MYSM1: variants seen among roughly 807,000 people sequenced by gnomAD.
The protein encoded by MYSM1 is Myb like, SWIRM and MPN domains 1.
MYSM1 carries 51 observed loss-of-function variants against 116.0 expected under a neutral mutation model. That is an observed-to-expected ratio of 0.44 (90% CI 0.35 to 0.56). The LOEUF (loss-of-function observed/expected upper bound fraction) is 0.56, where lower values mean the gene tolerates loss of function less well. Among genes scored for constraint, MYSM1 ranks in the 20% least tolerant of loss-of-function variants. The pLI, the probability that MYSM1 is intolerant of heterozygous loss-of-function variation, is 0.00. For missense variants in MYSM1, 900 were observed against 974.9 expected, an observed-to-expected ratio of 0.92 and a Z score of 1.02; for synonymous variants, 313 against 315.2, an observed-to-expected ratio of 0.99 and a Z score of 0.07.
chr1:58,695,314 T>G, intron 1 of MYSM1, 107 bp from the exon 2 acceptor site: 2 of 229,648 alleles, frequency 8.7e-6, no homozygotes, highest in Non-Finnish European at 1.6e-5. Flanking sequence ...AAGCAAATAC[T>G]TAGTTCCCTT....
rs552728270 is a variant in MYSM1, at chr1:58,695,063, A to AG, written c.147+65_147+66insC. 5,723 of 850,544 alleles carry AG rather than the reference A, an allele frequency of 6.7e-3. 112 individuals are homozygous for AG. In the African/African-American group the frequency reaches 0.07, roughly 10 times the overall value. 52.7% of individuals were successfully genotyped at this position (850,544 alleles called of 1,614,324 possible). A position where few individuals can be genotyped will look rare whatever the true frequency, so the allele number is the denominator to read the frequency against. ...ACTAGCACTAAGTTTAAAAAAAAAAAAAGAAGAAGCACTCTAGGCAATAAA... is the reference window on the plus strand; with the variant it reads ...ACTAGCACTAAGTTTAAAAAAAAAAAGAAGAAGAAGCACTCTAGGCAATAAA... On this transcript the variant is annotated intron_variant, in intron 2 of 19. Coordinates refer to ENST00000472487, the MANE Select transcript of MYSM1 (RefSeq NM_001085487.3).
intron 9 of MYSM1, among the ~76,000 whole-genome samples, chr1:58,676,340 C>T (rs1644651621): frequency 6.6e-6 from 1 of 150,482 alleles, no homozygotes; most frequent in African/African-American, 2.5e-5. Context: ...CGCTTGAACC[C>T]GGGAGGCGGA....
In MYSM1 at chr1:58,700,057, G is replaced by T. The variant is rs571503326; in HGVS notation, c.-5C>A. 1 of 1,613,566 alleles carries T rather than the reference G, an allele frequency of 6.2e-7. No homozygotes were observed. Among genetic ancestry groups the T allele is most frequent in the Non-Finnish European group, 8.5e-7 (1 of 1,179,958 alleles). ...ATCCGCCTCTTCAGCCGCCATGATG[G>T]GACCTGACCCCGTCCGTCCTCCCGA... On this transcript the variant is annotated 5_prime_UTR_variant, in exon 1 of 20. Coordinates refer to ENST00000472487, the MANE Select transcript of MYSM1 (RefSeq NM_001085487.3).
intron 10 of MYSM1, among the ~76,000 whole-genome samples, chr1:58,675,170 T>C (rs1464088237): frequency 6.6e-6 from 1 of 152,070 alleles, no homozygotes; most frequent in African/African-American, 2.4e-5. Context: ...CTGAACTATA[T>C]ATTTTTAAAA....
chr1:58,665,722 G>T lies in MYSM1; in HGVS notation c.2032-91C>A, dbSNP rs143360687. On this transcript the variant is annotated intron_variant, in intron 16 of 19. Transcript: ENST00000472487. ...ACTAACATTTTAAACATCTAATGGG[G>T]AAAAGCAGGAACAAAAAGGTGCATT... The T allele has an allele frequency of 2.2e-4, 194 of 875,116 alleles. No homozygotes were observed. The African/African-American group carries it at 2.9e-3, about 13-fold the overall frequency. The allele number at this position is 875,116 out of a possible 1,614,324, so 54.2% of individuals were successfully genotyped here. A position where few individuals can be genotyped will look rare whatever the true frequency, so the allele number is the denominator to read the frequency against.
intron 8 of MYSM1, 26 bp from the exon 9 acceptor site, chr1:58,677,082 A>G (rs765051123): frequency 4.6e-5 from 72 of 1,559,134 alleles, no homozygotes; most frequent in Non-Finnish European, 5.8e-5. Context: ...AAGTACAATT[A>G]TTTTGGATAA....
At position 58,682,032 on chromosome 1, in the gene MYSM1, A is replaced by ACTG; in HGVS notation, c.1009_1011dup (p.Gln337dup). ...ATTTCACAAGGCTCTGGAGAAGGCA[A>ACTG]CTGCCTGGCATCAACTATTATTCCC... On this transcript the variant is annotated inframe_insertion, in exon 8 of 20. Coordinates refer to ENST00000472487, the MANE Select transcript of MYSM1 (RefSeq NM_001085487.3). 1.2e-6 allele frequency: 2 copies of ACTG among 1,614,196 alleles called. No individual in the cohort carries two copies. Among genetic ancestry groups the ACTG allele is most frequent in the Non-Finnish European group, 1.7e-6 (2 of 1,180,026 alleles).
intron 15 of MYSM1, 56 bp downstream of exon 15, chr1:58,667,791 T>C (rs983675872): frequency 4.1e-6 from 4 of 979,060 alleles, no homozygotes; most frequent in African/African-American, 3.2e-5. Flanking sequence ...ATAAAAATAT[T>C]TGGTATGGTA....
At chr1:58,674,006 T>C (rs1293655460) in intron 10 of MYSM1, among the ~76,000 whole-genome samples, 5 of 152,196 alleles carry the variant, frequency 3.3e-5, no homozygotes, top group African/African-American at 1.2e-4. Flanking sequence ...CCTTTCATCA[T>C]GTAGGAGCTA....
chr1:58,695,228 A>G (rs1036640516), intron 1 of MYSM1, 21 bp from the exon 2 acceptor site: 5 of 1,438,134 alleles, frequency 3.5e-6, no homozygotes, highest in Non-Finnish European at 4.9e-6. Flanking sequence ...TAAGAAAATG[A>G]GTATATAAGT....
chr1:58,662,463 T>C (rs866559683), intron 17 of MYSM1, among the ~76,000 whole-genome samples: 10 of 3,734 alleles, frequency 2.7e-3, no homozygotes, highest in African/African-American at 3.4e-3. Flanking sequence ...CACCCCCCCC[T>C]TTTTTTTTTT....
chr1:58,666,659 G>C lies in MYSM1; in HGVS notation c.2031+379C>G, dbSNP rs147244328. Among the ~76,000 whole-genome samples, 910 of 148,520 alleles carry C rather than the reference G, an allele frequency of 6.1e-3. 3 individuals are homozygous for C. The highest frequency in any genetic ancestry group is 0.019 in the East Asian group (97 of 5,050). ...AGGCCGAGGCGGGCCAATCACCTGA[G>C]GTCAGGAGTTTGAGACCAGCCTGGC... On this transcript the variant is annotated intron_variant, in intron 16 of 19. Transcript: ENST00000472487.
chr1:58,688,185 A>G (rs1360631253), intron 6 of MYSM1, among the ~76,000 whole-genome samples: 1 of 152,040 alleles, frequency 6.6e-6, no homozygotes, highest in Non-Finnish European at 1.5e-5. Flanking sequence ...TTATATAAGA[A>G]TATCATACAG....
chr1:58,665,792 C>A (rs1196950550), intron 16 of MYSM1, among the ~76,000 whole-genome samples, 161 bp from the exon 17 acceptor site: 2 of 152,234 alleles, frequency 1.3e-5, no homozygotes, highest in Admixed American at 6.5e-5. Context: ...CGCCTGTAAT[C>A]CCAGCACTTT....
intron 12 of MYSM1, among the ~76,000 whole-genome samples, chr1:58,670,980 G>C (rs1644551706): frequency 6.6e-6 from 1 of 152,146 alleles, no homozygotes; most frequent in Admixed American, 6.6e-5. Context: ...CTAGCTTATG[G>C]AGGACTATTT....
intron 17 of MYSM1, among the ~76,000 whole-genome samples, chr1:58,662,160 A>G (rs550562970): frequency 5.1e-4 from 78 of 152,090 alleles, no homozygotes; most frequent in Non-Finnish European, 2.2e-4. Flanking sequence ...CTGGGGAGGC[A>G]GCAACTGCTT....
Position 58,676,911 on chromosome 1 carries a change from G to A in MYSM1, c.1390+15C>T. The A allele has an allele frequency of 6.2e-7, 1 of 1,606,788 alleles. No homozygotes were observed. The highest frequency in any genetic ancestry group is 8.5e-7 in the Non-Finnish European group (1 of 1,177,236). On this transcript the variant is annotated intron_variant, in intron 9 of 19. Transcript: ENST00000472487. ...AAATGTCGAGTAAAAGATGTTGTTG[G>A]GTTTTTATTTTTACCACATCCAAAA... is the stretch of plus-strand genomic sequence containing the variant.
Position 58,659,720 on chromosome 1 carries a change from C to A in MYSM1, c.*277G>T. 1 of 223,660 alleles carries A rather than the reference C, an allele frequency of 4.5e-6. No individual in the cohort carries two copies. 13.9% of individuals were successfully genotyped at this position (223,660 alleles called of 1,614,324 possible). On this transcript the variant is annotated 3_prime_UTR_variant, in exon 20 of 20. Coordinates refer to ENST00000472487, the MANE Select transcript of MYSM1 (RefSeq NM_001085487.3). Reference sequence around the variant, plus strand: ...TCCCAAGCTGAACACAACAGTAAAGCCGACCAGGTTGCTTAGTTTCACAGC... The same window carrying A: ...TCCCAAGCTGAACACAACAGTAAAGACGACCAGGTTGCTTAGTTTCACAGC...
chr1:58,679,379 T>C (rs1644703616), intron 8 of MYSM1, among the ~76,000 whole-genome samples: 1 of 152,210 alleles, frequency 6.6e-6, no homozygotes, highest in Non-Finnish European at 1.5e-5. Flanking sequence ...CCTATATAAA[T>C]TAATCTGCCT....
Sources: allele counts gnomAD v4.1 joint callset (sites outside exome capture counted in the v4.1 genomes callset), GRCh38; gene constraint gnomAD v4.1.1; transcripts MANE v1.5; gene names NCBI Gene and HGNC (gene_info 2026-07-23, HGNC 2026-07-21).